The following LRP1B variants were observed in gnomAD, a reference collection of about 807,000 sequenced individuals.
LRP1B encodes low-density lipoprotein receptor-related protein 1B.
In LRP1B, 217 loss-of-function variants were observed where a neutral mutation model predicts 556.6. The ratio of observed to expected loss-of-function variants is 0.39; its 90% confidence interval spans 0.35 to 0.44. LRP1B has a LOEUF of 0.44. Ranked by LOEUF, LRP1B falls within the 20% of genes least tolerant of loss-of-function variation. The pLI is 1.00. For missense variants in LRP1B, 5,053 were observed against 5,620.8 expected, an observed-to-expected ratio of 0.90 and a Z score of 3.23; for synonymous variants, 2,047 against 1,865.8, an observed-to-expected ratio of 1.10 and a Z score of -2.50.
intron 82 of LRP1B, among the ~76,000 whole-genome samples, chr2:140,316,032 G>T (rs1228203011): frequency 6.6e-6 from 1 of 152,118 alleles, no homozygotes; most frequent in Admixed American, 6.6e-5. Flanking sequence ...CCTTGGGGTA[G>T]CAAAATTATT....
chr2:141,229,470 T>C, intron 5 of LRP1B, 30 bp from the exon 6 acceptor site: 1 of 1,443,788 alleles, frequency 6.9e-7, no homozygotes, highest in Non-Finnish European at 9.5e-7. Context: ...GAGAAGTAAA[T>C]TCAGTAAGAG....
chr2:140,715,912 T>G (rs976432315), intron 37 of LRP1B, 61 bp downstream of exon 37: 139 of 1,364,904 alleles, frequency 1.0e-4, no homozygotes, highest in Non-Finnish European at 1.3e-4. Flanking sequence ...TTAGTTTTTT[T>G]TCAATAGAAC....
intron 2 of LRP1B, among the ~76,000 whole-genome samples, chr2:141,643,309 T>A (rs1181267370): frequency 1.3e-5 from 2 of 152,140 alleles, no homozygotes; most frequent in Non-Finnish European, 2.9e-5. Flanking sequence ...CAGAAAATTG[T>A]ATTTCGCCAG....
At chr2:141,937,082 T>TAA (rs11456436) in intron 1 of LRP1B, among the ~76,000 whole-genome samples, 10 of 151,996 alleles carry the variant, frequency 6.6e-5, no homozygotes, top group East Asian at 1.9e-4. Context: ...GTGAAAGATA[T>TAA]AAAAAACCTT....
intron 2 of LRP1B, among the ~76,000 whole-genome samples, chr2:141,658,275 G>A (rs1458398532): frequency 6.6e-6 from 1 of 152,202 alleles, no homozygotes; most frequent in East Asian, 1.9e-4. Context: ...TACAGGAATT[G>A]TATCTGACAG....
chr2:142,105,197 G>A (rs1240002674), intron 1 of LRP1B, among the ~76,000 whole-genome samples: 1 of 152,186 alleles, frequency 6.6e-6, no homozygotes, highest in Admixed American at 6.6e-5. Context: ...ATCCCCAGAT[G>A]TCCTGCCAAG....
At chr2:141,544,384 C>CTTCTTCTTCCTCTTCTTCTTCTT in intron 2 of LRP1B, among the ~76,000 whole-genome samples, 1 of 40,792 alleles carries the variant, frequency 2.5e-5, no homozygotes, top group African/African-American at 7.5e-5. Flanking sequence ...TTCTTCTTCT[C>CTTCTTCTTCCTCTTCTTCTTCTT]CTCCTCCTCC....
chr2:140,816,156 T>C (rs1285984704), intron 31 of LRP1B, among the ~76,000 whole-genome samples: 1 of 152,034 alleles, frequency 6.6e-6, no homozygotes, highest in Non-Finnish European at 1.5e-5. Flanking sequence ...TATCACTGTG[T>C]CACGAGGCTG....
chr2:140,408,271 C>T (rs940215679), intron 66 of LRP1B, among the ~76,000 whole-genome samples: 1 of 151,746 alleles, frequency 6.6e-6, no homozygotes, highest in African/African-American at 2.4e-5. Flanking sequence ...TTAGAATTCA[C>T]CACTATAAAA....
In LRP1B at chr2:141,679,484, A is replaced by T. The variant is rs147969054; in HGVS notation, c.205+130795T>A. The stretch of plus-strand genomic sequence containing the variant: ...TTATTTAAGTATATGGAAAATAAAA[A>T]CATATCCATGTTCTGATGATAGGAG... On this transcript the variant is annotated intron_variant, in intron 2 of 90. Coordinates refer to ENST00000389484, the MANE Select transcript of LRP1B (RefSeq NM_018557.3). Among the ~76,000 whole-genome samples, 69 of 152,276 alleles carry T rather than the reference A, an allele frequency of 4.5e-4. No homozygotes were observed. The East Asian group carries it at 0.012, about 27-fold the overall frequency.
chr2:141,420,056 G>C (rs1485090332), intron 3 of LRP1B, among the ~76,000 whole-genome samples: 1 of 152,144 alleles, frequency 6.6e-6, no homozygotes, highest in Non-Finnish European at 1.5e-5. Flanking sequence ...AAAGCCCTCT[G>C]CTTCCTTATT....
intron 2 of LRP1B, among the ~76,000 whole-genome samples, chr2:141,728,754 TA>T (rs950391370): frequency 7.2e-5 from 11 of 152,324 alleles, no homozygotes; most frequent in African/African-American, 2.6e-4. Context: ...GACATGCTGA[TA>T]AGTGTTGCTT....
chr2:142,059,375 A>G (rs1376839288), intron 1 of LRP1B, among the ~76,000 whole-genome samples: 2 of 152,230 alleles, frequency 1.3e-5, no homozygotes, highest in African/African-American at 4.8e-5. Context: ...TTCAATGTCA[A>G]TATTGTTTGT....
At chr2:142,106,369 A>G (rs751059769) in intron 1 of LRP1B, among the ~76,000 whole-genome samples, 1 of 152,194 alleles carries the variant, frequency 6.6e-6, no homozygotes, top group Admixed American at 6.6e-5. Context: ...AAGCACTTTC[A>G]TTATCTTATT....
intron 18 of LRP1B, among the ~76,000 whole-genome samples, chr2:140,963,553 A>G (rs963677306): frequency 6.6e-6 from 1 of 152,212 alleles, no homozygotes; most frequent in Non-Finnish European, 1.5e-5. Context: ...ATCTGTCAGC[A>G]TCATAAAGAC....
chr2:141,455,079 C>T lies in LRP1B; in HGVS notation c.343+25317G>A, dbSNP rs967265172. Among the ~76,000 whole-genome samples, 11 of 151,858 alleles carry T rather than the reference C, an allele frequency of 7.2e-5. No individual in the cohort carries two copies. In the East Asian group the frequency reaches 1.9e-3, roughly 27 times the overall value. On this transcript the variant is annotated intron_variant, in intron 3 of 90. Coordinates refer to ENST00000389484, the MANE Select transcript of LRP1B (RefSeq NM_018557.3). ...ATCTGATATTATGGTATTGTAATTG[C>T]CAAGAACTTTTGCAAACATGAATTT... is the stretch of plus-strand genomic sequence containing the variant.
At chr2:140,509,821 A>T (rs1380343778) in intron 52 of LRP1B, 107 bp downstream of exon 52, 42 of 1,468,372 alleles carry the variant, frequency 2.9e-5, no homozygotes, top group Non-Finnish European at 3.9e-5. Context: ...TGGGCCCAGG[A>T]ACTAGGAAAG....
chr2:140,287,161 C>T (rs1267218923), intron 84 of LRP1B, among the ~76,000 whole-genome samples: 1 of 151,792 alleles, frequency 6.6e-6, no homozygotes, highest in African/African-American at 2.4e-5. Flanking sequence ...TCAGACTATA[C>T]ATCCAACAAA....
chr2:141,384,991 C>T (rs1472656250), intron 3 of LRP1B, among the ~76,000 whole-genome samples: 4 of 152,150 alleles, frequency 2.6e-5, no homozygotes, highest in South Asian at 4.1e-4. Flanking sequence ...CCCCTGGACC[C>T]GCCTTTTAAA....
Sources: gnomAD v4.1 joint callset for allele counts (sites outside exome capture counted in the v4.1 genomes callset) on GRCh38, gnomAD v4.1.1 for gene constraint, MANE v1.5 for transcripts, NCBI Gene and HGNC (gene_info 2026-07-23, HGNC 2026-07-21) for gene names.